The following CDRT4 variants were observed in gnomAD, a reference collection of about 807,000 sequenced individuals.
The protein encoded by CDRT4 is CMT1A duplicated region transcript 4.
For missense variants in CDRT4, 167 were observed against 193.1 expected (o/e 0.87, Z 0.80); for synonymous variants, 64 against 69.6 (o/e 0.92, Z 0.40).
chr17:15,439,174 T>C (rs988362733), intron 3 of CDRT4: 34 of 456,088 alleles, frequency 7.5e-5, no homozygotes, highest in African/African-American at 6.4e-4. Flanking sequence ...ATGTGGTGCA[T>C]TCTTTCCCTA....
At chr17:15,462,515 G>A (rs1298573490) in intron 1 of CDRT4, among the ~76,000 whole-genome samples, 1 of 151,874 alleles carries the variant, frequency 6.6e-6, no homozygotes, top group Non-Finnish European at 1.5e-5. Flanking sequence ...GGTCCTATGG[G>A]GAAACAGAGG....
At chr17:15,440,316 C>A in intron 2 of CDRT4, 31 bp from the exon 3 acceptor site, 1 of 1,603,382 alleles carries the variant, frequency 6.2e-7, no homozygotes. Context: ...TAGCCAGAGC[C>A]TCCTCAAACT....
chr17:15,447,886 C>T (rs1248339316), intron 2 of CDRT4, among the ~76,000 whole-genome samples: 1 of 152,022 alleles, frequency 6.6e-6, no homozygotes, highest in African/African-American at 2.4e-5. Context: ...AAGAAAGATA[C>T]GGAGAAACAA....
Position 15,464,887 on chromosome 17 carries a change from G to A in CDRT4, c.-130+2573C>T, listed in dbSNP as rs926592299. On this transcript the variant is annotated intron_variant, in intron 1 of 3. Coordinates refer to ENST00000619038, the MANE Select transcript of CDRT4 (RefSeq NM_001204477.2). This position sits in a 1 kb window ranked among gnomAD's most constrained non-coding sequence, Gnocchi z 4.5. The stretch of plus-strand genomic sequence containing the variant: ...AGGAACCAGCAGGGATACGGGAACA[G>A]AGGCACAGACATCAAGCAGGGTTCA... 6.6e-6 allele frequency among the ~76,000 whole-genome samples: 1 copy of A among 152,140 alleles called. No homozygotes were observed. Among genetic ancestry groups the A allele is most frequent in the Non-Finnish European group, 1.5e-5 (1 of 68,026 alleles).
intron 2 of CDRT4, among the ~76,000 whole-genome samples, chr17:15,451,571 C>T (rs1464485111): frequency 1.3e-5 from 2 of 152,166 alleles, no homozygotes; most frequent in African/African-American, 2.4e-5. Flanking sequence ...AGAGCAGCTC[C>T]CCACATCACC....
intron 1 of CDRT4, among the ~76,000 whole-genome samples, chr17:15,465,947 G>A (rs975496402): frequency 6.6e-6 from 1 of 151,950 alleles, no homozygotes; most frequent in African/African-American, 2.4e-5. Context: ...TTGTTACAGG[G>A]CCTGAGCATT....
At position 15,436,351 on chromosome 17, in the gene CDRT4, T is replaced by C. The variant is rs1978485268; in HGVS notation, c.*1422A>G. ...TACTACATCTCATCCTCTACATCTC[T>C]GTGAGGGATGATGGATTAGTATTAA... On this transcript the variant is annotated 3_prime_UTR_variant, in exon 4 of 4. Coordinates refer to ENST00000619038, the MANE Select transcript of CDRT4 (RefSeq NM_001204477.2). 6.6e-6 allele frequency: 1 copy of C among 152,350 alleles called. No individual in the cohort carries two copies. 9.4% of individuals were successfully genotyped at this position (152,350 alleles called of 1,614,324 possible).
At chr17:15,438,998 G>A (rs1165746022) in intron 3 of CDRT4, 2 of 386,292 alleles carry the variant, frequency 5.2e-6, no homozygotes, top group Non-Finnish European at 1.0e-5. Context: ...GAGGGGGGTG[G>A]GTGTTGCTAG....
chr17:15,442,738 GA>G (rs1201000039), intron 2 of CDRT4, among the ~76,000 whole-genome samples: 1 of 152,208 alleles, frequency 6.6e-6, no homozygotes, highest in Non-Finnish European at 1.5e-5. Flanking sequence ...CGTACCTGCT[GA>G]AGCAGGAACT....
intron 1 of CDRT4, among the ~76,000 whole-genome samples, chr17:15,454,797 C>T (rs1203549331): frequency 3.3e-5 from 5 of 152,102 alleles, no homozygotes; most frequent in Non-Finnish European, 7.4e-5. Context: ...TCGGTATGTC[C>T]CATCTTGAGC....
intron 1 of CDRT4, among the ~76,000 whole-genome samples, chr17:15,454,393 T>C (rs1270519814): frequency 6.6e-6 from 1 of 152,054 alleles, no homozygotes; most frequent in African/African-American, 2.4e-5. Context: ...CAGGTGCACA[T>C]ATATACACAG....
At chr17:15,465,380 A>AT (rs1474094923) in intron 1 of CDRT4, among the ~76,000 whole-genome samples, 1 of 150,114 alleles carries the variant, frequency 6.7e-6, no homozygotes, top group Non-Finnish European at 1.5e-5. Context: ...ACAGACACAC[A>AT]TAACACACAC....
rs1567615574 is a variant in CDRT4, at chr17:15,464,792, C to T, written c.-130+2668G>A. Among the ~76,000 whole-genome samples the T allele has an allele frequency of 6.6e-6, 1 of 152,282 alleles. No individual in the cohort carries two copies. The highest frequency in any genetic ancestry group is 1.9e-4 in the East Asian group (1 of 5,192). ...AAATCCCCCAGCGAATGGCCCATAC[C>T]AGCGGTTGCTCTTTCACTCACTCCA... On this transcript the variant is annotated intron_variant, in intron 1 of 3. Coordinates refer to ENST00000619038, the MANE Select transcript of CDRT4 (RefSeq NM_001204477.2). This position sits in a 1 kb window ranked among gnomAD's most constrained non-coding sequence, Gnocchi z 4.5.
chr17:15,457,278 C>CA (rs1362819953), intron 1 of CDRT4, among the ~76,000 whole-genome samples: 1 of 152,178 alleles, frequency 6.6e-6, no homozygotes, highest in East Asian at 1.9e-4. Context: ...TTGTACTCAC[C>CA]AAGAAAACAC....
In CDRT4 at chr17:15,437,357, T is replaced by A. The variant is rs1036322327; in HGVS notation, c.*416A>T. ...GTTCCCAAGCCTCAAGTGTGATGCC[T>A]GCTTCCTGTGGTGCTACCTCCATGG... On this transcript the variant is annotated 3_prime_UTR_variant, in exon 4 of 4. Coordinates refer to ENST00000619038, the MANE Select transcript of CDRT4 (RefSeq NM_001204477.2). 1 of 218,138 alleles carries A rather than the reference T, an allele frequency of 4.6e-6. No homozygotes were observed. Among genetic ancestry groups the A allele is most frequent in the Non-Finnish European group, 9.2e-6 (1 of 108,866 alleles). 13.5% of individuals were successfully genotyped at this position (218,138 alleles called of 1,614,324 possible).
chr17:15,439,263 T>G (rs1978642849), intron 3 of CDRT4: 2 of 419,756 alleles, frequency 4.8e-6, no homozygotes, highest in Non-Finnish European at 9.3e-6. Flanking sequence ...ATCTCCAAAT[T>G]GAATGCAGTT....
intron 2 of CDRT4, among the ~76,000 whole-genome samples, chr17:15,449,871 T>C (rs926877542): frequency 6.6e-6 from 1 of 152,222 alleles, no homozygotes; most frequent in Non-Finnish European, 1.5e-5. Context: ...TCCATCTATA[T>C]TGCTGCAAAG....
chr17:15,456,766 G>A (rs995467629), intron 1 of CDRT4, among the ~76,000 whole-genome samples: 3 of 152,094 alleles, frequency 2.0e-5, no homozygotes, highest in Admixed American at 2.0e-4. Context: ...TGGAGCCCTG[G>A]TCATCATGGG....
Position 15,437,481 on chromosome 17 carries a change from T to C in CDRT4, c.*292A>G. 2 of 473,240 alleles carry C rather than the reference T, an allele frequency of 4.2e-6. No homozygotes were observed. Among genetic ancestry groups the C allele is most frequent in the South Asian group, 3.1e-5 (1 of 31,832 alleles). The allele number at this position is 473,240 out of a possible 1,614,324, so 29.3% of individuals were successfully genotyped here. A position where few individuals can be genotyped will look rare whatever the true frequency, so the allele number is the denominator to read the frequency against. On this transcript the variant is annotated 3_prime_UTR_variant, in exon 4 of 4. Transcript: ENST00000619038. ...GCTTGTGTGATTTCTGTCTCCTGCC[T>C]GGACCCAGACAAATCACCCACATTT...
Sources: gnomAD v4.1 joint callset for allele counts (sites outside exome capture counted in the v4.1 genomes callset) on GRCh38, gnomAD v4.1.1 for gene constraint, Gnocchi (gnomAD v3.1) non-coding constraint, MANE v1.5 for transcripts, NCBI Gene and HGNC (gene_info 2026-07-23, HGNC 2026-07-21) for gene names.